The following ASTN2 variants were observed in gnomAD, a reference collection of about 807,000 sequenced individuals.
ASTN2 encodes the protein astrotactin 2.
In ASTN2, 54 loss-of-function variants were observed where a neutral mutation model predicts 139.8. The ratio of observed to expected loss-of-function variants is 0.39; its 90% confidence interval spans 0.31 to 0.48. The LOEUF (loss-of-function observed/expected upper bound fraction) is 0.48. Among genes scored for constraint, ASTN2 ranks in the 20% least tolerant of loss-of-function variants. The pLI is 0.95. For missense variants in ASTN2, 1,565 were observed against 1,725.1 expected, an observed-to-expected ratio of 0.91 and a Z score of 1.64; for synonymous variants, 756 against 719.5, an observed-to-expected ratio of 1.05 and a Z score of -0.81.
At chr9:116,661,674 G>C (rs1261749285) in intron 16 of ASTN2, among the ~76,000 whole-genome samples, 5 of 152,152 alleles carry the variant, frequency 3.3e-5, no homozygotes, top group Admixed American at 2.0e-4. Flanking sequence ...TAATGGAATG[G>C]ATGCGGTCTG....
chr9:117,141,951 T>C lies in ASTN2; in HGVS notation c.1016-473A>G, dbSNP rs1037422409. 7.2e-5 allele frequency among the ~76,000 whole-genome samples: 11 copies of C among 152,104 alleles called. No homozygotes were observed. The East Asian group carries it at 2.1e-3, about 29-fold the overall frequency. On this transcript the variant is annotated intron_variant, in intron 3 of 22. Coordinates refer to ENST00000313400, the MANE Select transcript of ASTN2 (RefSeq NM_001365068.1). The stretch of plus-strand genomic sequence containing the variant: ...GGAGGCAATATTTAGGATGAGACCT[T>C]AAAGATGAGTAAGAATTAGTAAAGA...
intron 16 of ASTN2, among the ~76,000 whole-genome samples, chr9:116,674,660 GA>G (rs774444549): frequency 3.0e-4 from 46 of 152,150 alleles, no homozygotes; most frequent in Non-Finnish European, 5.4e-4. Flanking sequence ...GGCCTTCCAA[GA>G]AGGTTTGTGT....
At chr9:116,631,144 T>G (rs55974177) in intron 17 of ASTN2, among the ~76,000 whole-genome samples, 22,790 of 152,146 alleles carry the variant, frequency 0.15, 1,811 homozygotes, top group Middle Eastern at 0.21. Flanking sequence ...GAAAACAGTA[T>G]GAGAATTCCT....
intron 1 of ASTN2, among the ~76,000 whole-genome samples, chr9:117,334,155 A>T (rs1369983260): frequency 6.6e-6 from 1 of 152,100 alleles, no homozygotes; most frequent in Non-Finnish European, 1.5e-5. Flanking sequence ...TTTTCCAATA[A>T]AATCAGTAGG....
intron 6 of ASTN2, among the ~76,000 whole-genome samples, chr9:117,016,762 G>A (rs536093363): frequency 3.0e-5 from 2 of 67,784 alleles, no homozygotes; most frequent in African/African-American, 8.6e-5. Flanking sequence ...TTATATATAG[G>A]TTATATATAG....
chr9:116,837,758 G>A (rs1832050559), intron 11 of ASTN2, among the ~76,000 whole-genome samples: 1 of 152,180 alleles, frequency 6.6e-6, no homozygotes, highest in African/African-American at 2.4e-5. Flanking sequence ...GAATCATATG[G>A]TAAATAAGCC....
At chr9:117,013,096 A>C (rs1334073) in intron 6 of ASTN2, among the ~76,000 whole-genome samples, 22,224 of 152,004 alleles carry the variant, frequency 0.15, 2,068 homozygotes, top group Non-Finnish European at 0.21. Flanking sequence ...GCTTCATTTA[A>C]CTCTACAATC....
At chr9:116,758,019 T>A (rs542457901) in intron 13 of ASTN2, among the ~76,000 whole-genome samples, 2 of 152,268 alleles carry the variant, frequency 1.3e-5, no homozygotes, top group South Asian at 4.2e-4. Flanking sequence ...AGAAACTGAA[T>A]GCCATTACTA....
intron 17 of ASTN2, among the ~76,000 whole-genome samples, chr9:116,632,240 A>AGAAGGAAG (rs1564169269): frequency 1.5e-5 from 2 of 131,670 alleles, no homozygotes; most frequent in African/African-American, 3.4e-5. Flanking sequence ...AAAGAAAGAA[A>AGAAGGAAG]GAAAGAAAGA....
At chr9:117,086,482 G>A (rs1401533721) in intron 5 of ASTN2, among the ~76,000 whole-genome samples, 2 of 152,184 alleles carry the variant, frequency 1.3e-5, no homozygotes, top group African/African-American at 4.8e-5. Context: ...GCTGAGGCAG[G>A]AGAATCGCTT....
intron 5 of ASTN2, among the ~76,000 whole-genome samples, chr9:117,089,649 C>A (rs1482591197): frequency 6.6e-6 from 1 of 151,732 alleles, no homozygotes; most frequent in African/African-American, 2.4e-5. Context: ...TACACTGTAC[C>A]CTATTTGTAG....
At chr9:116,439,254 G>A (rs1203372144) in intron 22 of ASTN2, among the ~76,000 whole-genome samples, 1 of 111,550 alleles carries the variant, frequency 9.0e-6, no homozygotes, top group Non-Finnish European at 1.6e-5. Context: ...AGGCTGGAGT[G>A]CAGTGGCGGG....
intron 4 of ASTN2, among the ~76,000 whole-genome samples, chr9:117,138,238 T>C (rs997367420): frequency 6.6e-6 from 1 of 152,034 alleles, no homozygotes; most frequent in Non-Finnish European, 1.5e-5. Context: ...TAGTAGCAGG[T>C]TGGGGACTGA....
Position 116,487,458 on chromosome 9 carries a change from C to T in ASTN2, c.3398G>A (p.Gly1133Asp). The change falls in exon 20 of 23, where the codon GGC becomes GAC. Residue 1133 changes from glycine (G) to aspartate (D), a missense_variant. Coordinates refer to ENST00000313400, the MANE Select transcript of ASTN2 (RefSeq NM_001365068.1). Reference protein sequence around the residue: ...SFADDLLSGLGTSCVAAGRSH... With the variant: ...SFADDLLSGLDTSCVAAGRSH... ...TCGACCAGCTGCTACACAAGATGTG[C>T]CCAGGCCAGAGAGTAAGTCATCAGC... 1.2e-6 allele frequency: 2 copies of T among 1,614,014 alleles called. No homozygotes were observed. Among genetic ancestry groups the T allele is most frequent in the Non-Finnish European group, 1.7e-6 (2 of 1,179,976 alleles).
intron 3 of ASTN2, among the ~76,000 whole-genome samples, chr9:117,207,323 A>G (rs912585740): frequency 1.6e-4 from 25 of 152,142 alleles, no homozygotes; most frequent in African/African-American, 5.8e-4. Flanking sequence ...GTGCAGTTAT[A>G]TCGTGGGCCT....
intron 11 of ASTN2, among the ~76,000 whole-genome samples, chr9:116,835,726 C>A (rs1030196108): frequency 6.6e-6 from 1 of 152,178 alleles, no homozygotes; most frequent in African/African-American, 2.4e-5. Context: ...CGTGGTCACT[C>A]ATATTTGGCT....
chr9:116,632,194 G>GAAAGAAAGAGAGAAAA (rs71377258), intron 17 of ASTN2, among the ~76,000 whole-genome samples: 1 of 42,034 alleles, frequency 2.4e-5, no homozygotes, highest in Non-Finnish European at 4.5e-5. Flanking sequence ...GGGAGAGAGA[G>GAAAGAAAGAGAGAAAA]AGAAAGAAAG....
chr9:116,964,984 C>A (rs1211361234), intron 10 of ASTN2, among the ~76,000 whole-genome samples: 2 of 152,156 alleles, frequency 1.3e-5, no homozygotes, highest in African/African-American at 4.8e-5. Flanking sequence ...TAGGGGAACA[C>A]AATGAGGTCA....
intron 13 of ASTN2, among the ~76,000 whole-genome samples, chr9:116,794,349 C>T (rs1588298461): frequency 6.6e-6 from 1 of 152,038 alleles, no homozygotes; most frequent in Non-Finnish European, 1.5e-5. Context: ...CCACCCACTT[C>T]GGCCTCCCAA....
Sources: gnomAD v4.1 joint callset for allele counts (sites outside exome capture counted in the v4.1 genomes callset) on GRCh38, gnomAD v4.1.1 for gene constraint, MANE v1.5 for transcripts, NCBI Gene and HGNC (gene_info 2026-07-23, HGNC 2026-07-21) for gene names.